Variants in STX3 observed in about 807,000 individuals in gnomAD.
STX3 encodes syntaxin-3.
STX3 carries 19 observed loss-of-function variants against 40.2 expected under a neutral mutation model. The ratio of observed to expected loss-of-function variants is 0.47; its 90% confidence interval spans 0.33 to 0.69. STX3 has a LOEUF of 0.69. Ranked by LOEUF, STX3 falls within the 30% of genes least tolerant of loss-of-function variation. The probability of loss-of-function intolerance (pLI) is 0.02; values close to 1 mark genes in which losing one functional copy is unlikely to be tolerated. For synonymous variants in STX3, 122 were observed against 132.2 expected (o/e 0.92, Z 0.53); for missense variants, 364 against 366.7 (o/e 0.99, Z 0.06).
chr11:59,767,632 T>C (rs993275427), intron 1 of STX3, among the ~76,000 whole-genome samples: 4 of 152,242 alleles, frequency 2.6e-5, no homozygotes, highest in African/African-American at 9.6e-5. Flanking sequence ...GATGGCCTCT[T>C]CCTTGAGTTT....
At position 59,803,701 on chromosome 11, in the gene STX3, T is replaced by A. The variant is rs1359388282; in HGVS notation, c.*2877T>A. On this transcript the variant is annotated 3_prime_UTR_variant, in exon 11 of 11. Coordinates refer to ENST00000337979, the MANE Select transcript of STX3 (RefSeq NM_004177.5). ...GTAAATTCAAATTAAATTTCTTCCC[T>A]TTCAAGGTTAATGAAAGTTAACACA... 1 of 156,200 alleles carries A rather than the reference T, an allele frequency of 6.4e-6. No homozygotes were observed. The highest frequency in any genetic ancestry group is 1.4e-5 in the Non-Finnish European group (1 of 70,838). 9.7% of individuals were successfully genotyped at this position (156,200 alleles called of 1,614,324 possible). A position where few individuals can be genotyped will look rare whatever the true frequency, so the allele number is the denominator to read the frequency against.
Position 59,800,924 on chromosome 11 carries a change from C to T in STX3, c.*100C>T. 6.5e-7 allele frequency: 1 copy of T among 1,536,228 alleles called. No individual in the cohort carries two copies. The highest frequency in any genetic ancestry group is 8.7e-7 in the Non-Finnish European group (1 of 1,146,876). ...ATGAGAATGGAGTCTGAATGGCCTT[C>T]CTGAGAGCGAGTGCGACCCGTTCCT... On this transcript the variant is annotated 3_prime_UTR_variant, in exon 11 of 11. Transcript: ENST00000337979.
intron 1 of STX3, among the ~76,000 whole-genome samples, chr11:59,760,388 T>A (rs1862966991): frequency 6.6e-6 from 1 of 152,052 alleles, no homozygotes; most frequent in Admixed American, 6.6e-5. Context: ...ACGGGGTGCA[T>A]GTTGCTTTGC....
At chr11:59,799,960 C>T in intron 10 of STX3, 1 of 985,208 alleles carries the variant, frequency 1.0e-6, no homozygotes, top group Non-Finnish European at 1.2e-6. Context: ...TGTTATTTTT[C>T]CATATCCTTG....
intron 3 of STX3, 76 bp downstream of exon 3, chr11:59,787,212 C>T: frequency 2.3e-6 from 3 of 1,323,736 alleles, no homozygotes; most frequent in Non-Finnish European, 3.2e-6. Flanking sequence ...TTTTCTTGCC[C>T]TTCGTGAGCA....
intron 2 of STX3, among the ~76,000 whole-genome samples, chr11:59,785,329 C>T (rs1478964647): frequency 6.6e-6 from 1 of 151,036 alleles, no homozygotes; most frequent in East Asian, 1.9e-4. Context: ...TTTCTTTTCC[C>T]TTTTTTTTTG....
At chr11:59,789,860 A>AT (rs1248670383) in intron 4 of STX3, among the ~76,000 whole-genome samples, 1 of 152,012 alleles carries the variant, frequency 6.6e-6, no homozygotes, top group Admixed American at 6.6e-5. Flanking sequence ...CACTCCCCCC[A>AT]TTTGGGAGAG....
At chr11:59,793,551 G>T in intron 8 of STX3, 37 bp downstream of exon 8, 1 of 1,599,362 alleles carries the variant, frequency 6.3e-7, no homozygotes, top group South Asian at 1.1e-5. Context: ...GGAGGGAGGA[G>T]AGGAAAGCTC....
intron 9 of STX3, among the ~76,000 whole-genome samples, chr11:59,796,535 G>C (rs919055352): frequency 6.6e-6 from 1 of 152,146 alleles, no homozygotes; most frequent in African/African-American, 2.4e-5. Context: ...AGGCTGGGTG[G>C]CATTTTCTGA....
chr11:59,795,585 C>G (rs561918419), intron 9 of STX3, 103 bp downstream of exon 9: 17 of 1,545,080 alleles, frequency 1.1e-5, no homozygotes, highest in South Asian at 2.4e-5. Flanking sequence ...GCCACCACCT[C>G]TTGCATCTGG....
At chr11:59,788,832 C>G (rs1380918578) in intron 3 of STX3, 41 bp from the exon 4 acceptor site, 2 of 1,554,764 alleles carry the variant, frequency 1.3e-6, no homozygotes, top group African/African-American at 1.4e-5. Context: ...GGAATCAGTC[C>G]TCTCCTTTCT....
chr11:59,794,721 T>C (rs186772373), intron 8 of STX3, among the ~76,000 whole-genome samples: 88 of 152,350 alleles, frequency 5.8e-4, no homozygotes, highest in African/African-American at 1.8e-3. Context: ...CAAACTTCCC[T>C]GTCAGGAAGT....
chr11:59,771,884 G>C (rs1863670591), intron 1 of STX3, among the ~76,000 whole-genome samples: 1 of 152,170 alleles, frequency 6.6e-6, no homozygotes, highest in Non-Finnish European at 1.5e-5. Context: ...GATCGGGGAG[G>C]TGGTAGCAGT....
chr11:59,788,363 T>C (rs1864905853), intron 3 of STX3, among the ~76,000 whole-genome samples: 1 of 152,224 alleles, frequency 6.6e-6, no homozygotes, highest in Non-Finnish European at 1.5e-5. Context: ...TGTTCCAAAG[T>C]TGTAGTAGGG....
intron 1 of STX3, among the ~76,000 whole-genome samples, chr11:59,762,639 TTCC>T (rs774545223): frequency 2.6e-5 from 4 of 152,146 alleles, no homozygotes; most frequent in Non-Finnish European, 4.4e-5. Flanking sequence ...AGTTCCTTTC[TTCC>T]TCCTCTCTGT....
intron 1 of STX3, among the ~76,000 whole-genome samples, chr11:59,764,115 T>C (rs493556): frequency 6.6e-6 from 1 of 152,170 alleles, no homozygotes; most frequent in East Asian, 1.9e-4. Context: ...TCTGTTTCTT[T>C]AAAAGCATAT....
intron 7 of STX3, 60 bp from the exon 8 acceptor site, chr11:59,793,320 T>G: frequency 6.2e-7 from 1 of 1,602,700 alleles, no homozygotes; most frequent in Non-Finnish European, 8.5e-7. Context: ...GCATGAGGGC[T>G]GTGGCAGGGG....
intron 8 of STX3, 124 bp downstream of exon 8, chr11:59,793,638 A>G: frequency 1.5e-6 from 2 of 1,339,306 alleles, no homozygotes; most frequent in South Asian, 1.5e-5. Flanking sequence ...GGGAATTTGC[A>G]TAAAGGAGAA....
At chr11:59,793,784 T>TACCC (rs954470808) in intron 8 of STX3, among the ~76,000 whole-genome samples, 2 of 152,036 alleles carry the variant, frequency 1.3e-5, no homozygotes, top group African/African-American at 4.8e-5. Context: ...TTCTGTCAAG[T>TACCC]ACCCAGTTTT....
Sources: allele counts gnomAD v4.1 joint callset (sites outside exome capture counted in the v4.1 genomes callset), GRCh38; gene constraint gnomAD v4.1.1; transcripts MANE v1.5; gene names NCBI Gene and HGNC (gene_info 2026-07-23, HGNC 2026-07-21).